NT5DC1: variants seen among roughly 807,000 people sequenced by gnomAD.
The protein encoded by NT5DC1 is 5'-nucleotidase domain-containing protein 1.
In NT5DC1, 42 loss-of-function variants were observed where a neutral mutation model predicts 59.4. The ratio of observed to expected loss-of-function variants is 0.71; its 90% CI spans 0.55 to 0.92. The LOEUF is 0.92. Ranked by LOEUF, NT5DC1 falls within the 40% of genes least tolerant of loss-of-function variation. NT5DC1 has a pLI of 0.00. For synonymous variants in NT5DC1, 172 were observed against 188.1 expected, an observed-to-expected ratio of 0.91 and a Z score of 0.70; for missense variants, 501 against 537.1, an observed-to-expected ratio of 0.93 and a Z score of 0.66.
At chr6:116,177,182 T>C (rs1562151738) in intron 6 of NT5DC1, among the ~76,000 whole-genome samples, 1 of 152,214 alleles carries the variant, frequency 6.6e-6, no homozygotes, top group Non-Finnish European at 1.5e-5. Context: ...GAGCTTTTCG[T>C]TTCCAACAAA....
chr6:116,131,891 A>G (rs936837077), intron 6 of NT5DC1, among the ~76,000 whole-genome samples: 5 of 152,056 alleles, frequency 3.3e-5, no homozygotes, highest in Admixed American at 2.6e-4. Context: ...GTTTCTTATC[A>G]TTTAGCTCCT....
At chr6:116,220,294 C>T (rs961287320) in intron 6 of NT5DC1, among the ~76,000 whole-genome samples, 1 of 151,962 alleles carries the variant, frequency 6.6e-6, no homozygotes, top group Non-Finnish European at 1.5e-5. Flanking sequence ...CTGCTAAGTA[C>T]CCACAACTTT....
intron 6 of NT5DC1, among the ~76,000 whole-genome samples, chr6:116,189,724 A>G (rs1176468502): frequency 6.6e-6 from 1 of 151,794 alleles, no homozygotes; most frequent in Non-Finnish European, 1.5e-5. Context: ...CTGAGGATGA[A>G]AAAAAAATGA....
chr6:116,227,355 T>C (rs1781930691), intron 8 of NT5DC1, among the ~76,000 whole-genome samples: 1 of 152,252 alleles, frequency 6.6e-6, no homozygotes, highest in South Asian at 2.1e-4. Context: ...TACCATATTT[T>C]CTTTATCCTT....
chr6:116,129,772 C>T (rs1779417569), intron 6 of NT5DC1, among the ~76,000 whole-genome samples: 1 of 152,134 alleles, frequency 6.6e-6, no homozygotes, highest in Admixed American at 6.5e-5. Context: ...ACTTTTTACT[C>T]CCTTGCAGTT....
intron 3 of NT5DC1, among the ~76,000 whole-genome samples, chr6:116,109,877 A>G (rs147100262): frequency 1.1e-3 from 170 of 151,176 alleles, no homozygotes; most frequent in African/African-American, 3.8e-3. Flanking sequence ...TAACATTTCA[A>G]CTAGTTCCTA....
chr6:116,113,443 TTTG>T (rs1441442393), intron 4 of NT5DC1, among the ~76,000 whole-genome samples: 7 of 152,204 alleles, frequency 4.6e-5, no homozygotes, highest in African/African-American at 1.7e-4. Flanking sequence ...AGAGGCTTGT[TTTG>T]TTGAACTGGG....
At chr6:116,200,583 G>C (rs1781328113) in intron 6 of NT5DC1, among the ~76,000 whole-genome samples, 1 of 152,048 alleles carries the variant, frequency 6.6e-6, no homozygotes, top group African/African-American at 2.4e-5. Flanking sequence ...CTAAATAAAG[G>C]TAAGACACTA....
intron 6 of NT5DC1, among the ~76,000 whole-genome samples, chr6:116,136,619 AATTTC>A (rs1562133189): frequency 6.6e-6 from 1 of 152,158 alleles, no homozygotes. Context: ...ATTTGAGTCA[AATTTC>A]ATTTGTGAAA....
intron 6 of NT5DC1, among the ~76,000 whole-genome samples, chr6:116,142,172 A>G (rs1455960510): frequency 1.3e-5 from 2 of 152,176 alleles, no homozygotes. Flanking sequence ...AACTAATATT[A>G]GTATAGTTCA....
chr6:116,200,832 G>A (rs1050096267), intron 6 of NT5DC1, among the ~76,000 whole-genome samples: 31 of 151,962 alleles, frequency 2.0e-4, no homozygotes, highest in Admixed American at 4.6e-4. Context: ...CATAAATCCT[G>A]TGGCAGACCA....
chr6:116,131,077 C>G (rs1222436074), intron 6 of NT5DC1, among the ~76,000 whole-genome samples: 1 of 152,038 alleles, frequency 6.6e-6, no homozygotes, highest in African/African-American at 2.4e-5. Context: ...TTTATACTTT[C>G]ATAAAGTACA....
rs181830791 is a variant in NT5DC1 at position 116,125,936 on chromosome 6, C to T, written c.529+7991C>T. The T allele has an allele frequency of 2.6e-3, 417 of 157,972 alleles. 10 individuals are homozygous for T. The South Asian group carries it at 0.042, about 16-fold the overall frequency. 9.8% of individuals were successfully genotyped at this position (157,972 alleles called of 1,614,324 possible). ...CTTTTGGAGTGCATTTTAGTAGAAA[C>T]CCATTTTTTAAATCACTTTAATACT... On this transcript the variant is annotated intron_variant, in intron 6 of 11. Coordinates refer to ENST00000319550, the MANE Select transcript of NT5DC1 (RefSeq NM_152729.3).
rs555598447 is a variant in NT5DC1 at position 116,184,716 on chromosome 6, A to G, written c.530-36338A>G. 2.1e-4 allele frequency among the ~76,000 whole-genome samples: 32 copies of G among 152,068 alleles called. No homozygotes were observed. In the East Asian group the frequency reaches 5.8e-3, roughly 28 times the overall value. ...CTTGGATGATCTTTCATATTTATGT[A>G]GTATCAGTTGTAATATCTTCTGTTT... On this transcript the variant is annotated intron_variant, in intron 6 of 11. Transcript: ENST00000319550.
At chr6:116,166,451 GGAA>G (rs2114440697) in intron 6 of NT5DC1, among the ~76,000 whole-genome samples, 1 of 152,298 alleles carries the variant, frequency 6.6e-6, no homozygotes, top group South Asian at 2.1e-4. Context: ...AAATCACAAT[GGAA>G]GAAGGATTTT....
At chr6:116,241,945 A>AAAAAAAAAAAAAAC (rs1771738348) in intron 11 of NT5DC1, among the ~76,000 whole-genome samples, 6 of 15,354 alleles carry the variant, frequency 3.9e-4, no homozygotes, top group Admixed American at 9.5e-4. Context: ...AAAACAAAAC[A>AAAAAAAAAAAAAAC]AAAAAAAAAA....
chr6:116,186,154 C>T (rs1047206080), intron 6 of NT5DC1, among the ~76,000 whole-genome samples: 5 of 152,012 alleles, frequency 3.3e-5, no homozygotes, highest in African/African-American at 7.2e-5. Context: ...ATACAAAATT[C>T]TTATATGATA....
chr6:116,110,724 G>T (rs778593518), intron 3 of NT5DC1, 126 bp from the exon 4 acceptor site: 18 of 768,782 alleles, frequency 2.3e-5, no homozygotes, highest in Non-Finnish European at 3.7e-5. Flanking sequence ...GCACCCAGTT[G>T]AAAACAGAAA....
intron 6 of NT5DC1, among the ~76,000 whole-genome samples, chr6:116,143,165 CAT>C (rs916531201): frequency 2.0e-5 from 3 of 152,064 alleles, no homozygotes; most frequent in African/African-American, 7.2e-5. Context: ...TTTTTAGAAA[CAT>C]AGATAATATT....
Sources: allele counts gnomAD v4.1 joint callset (sites outside exome capture counted in the v4.1 genomes callset), GRCh38; gene constraint gnomAD v4.1.1; transcripts MANE v1.5; gene names NCBI Gene and HGNC (gene_info 2026-07-23, HGNC 2026-07-21).